NR3C2: variants seen among roughly 807,000 people sequenced by gnomAD.
NR3C2 encodes mineralocorticoid receptor.
A neutral mutation model predicts 86.4 loss-of-function variants in NR3C2; 15 were observed. The observed-to-expected ratio is 0.17, with a 90% CI of 0.12 to 0.27. The LOEUF (loss-of-function observed/expected upper bound fraction) is 0.27, where lower values mean the gene tolerates loss of function less well. Among genes scored for constraint, NR3C2 ranks in the 10% least tolerant of loss-of-function variants. The probability of loss-of-function intolerance (pLI) is 1.00; values close to 1 mark genes in which losing one functional copy is unlikely to be tolerated. For missense variants in NR3C2, 960 were observed against 1,195.6 expected (o/e 0.80, Z 2.91); for synonymous variants, 458 against 450.5 (o/e 1.02, Z -0.21).
chr4:148,116,331 A>T (rs773628204), intron 7 of NR3C2, among the ~76,000 whole-genome samples: 3 of 152,252 alleles, frequency 2.0e-5, no homozygotes, highest in Non-Finnish European at 4.4e-5. Flanking sequence ...TTTCCCAGCC[A>T]GATTTTTTAG....
intron 8 of NR3C2, among the ~76,000 whole-genome samples, chr4:148,082,928 G>C (rs1730646085): frequency 6.6e-6 from 1 of 152,072 alleles, no homozygotes; most frequent in Non-Finnish European, 1.5e-5. Flanking sequence ...TGAGTAGGCG[G>C]TTTTGCCCTC....
Position 148,435,660 on chromosome 4 carries a change from C to A in NR3C2, c.1201G>T (p.Glu401Ter), listed in dbSNP as rs1553942903. 6.2e-7 allele frequency: 1 copy of A among 1,614,172 alleles called. No individual in the cohort carries two copies. The highest frequency in any genetic ancestry group is 1.1e-5 in the South Asian group (1 of 91,080). The change falls in exon 2 of 9, where the codon GAA becomes TAA. Residue 401 changes from glutamate (E) to a stop codon, truncating the protein, a stop_gained. Transcript: ENST00000358102. LOFTEE classifies it high-confidence loss of function. ...QLNIVQYIKP[E>*]PDGAFSSSCL... ...GAGCTGCTAAAAGCTCCATCTGGTTCTGGTTTTATGTACTGGACAATATTA... is the reference window on the plus strand; with the variant it reads ...GAGCTGCTAAAAGCTCCATCTGGTTATGGTTTTATGTACTGGACAATATTA...
intron 4 of NR3C2, among the ~76,000 whole-genome samples, chr4:148,184,029 C>G (rs1265490496): frequency 6.6e-6 from 1 of 152,022 alleles, no homozygotes; most frequent in Non-Finnish European, 1.5e-5. Flanking sequence ...GATAAACACC[C>G]TACTATGCAC....
At chr4:148,124,911 T>C (rs553476366) in intron 6 of NR3C2, among the ~76,000 whole-genome samples, 8 of 152,366 alleles carry the variant, frequency 5.3e-5, no homozygotes, top group African/African-American at 1.9e-4. Flanking sequence ...AAATGCTCTA[T>C]TCAATTCTCT....
rs374987524 is a variant in NR3C2, at chr4:148,352,115, C to T, written c.1757+82989G>A. 6.6e-5 allele frequency among the ~76,000 whole-genome samples: 10 copies of T among 152,228 alleles called. No homozygotes were observed. The East Asian group carries it at 1.5e-3, about 24-fold the overall frequency. On this transcript the variant is annotated intron_variant, in intron 2 of 8. Coordinates refer to ENST00000358102, the MANE Select transcript of NR3C2 (RefSeq NM_000901.5). ...TCAGATCTGTTCCCTTGCAGACTTC[C>T]TTAAACAATGAGGATGTATTTTGCG...
intron 2 of NR3C2, among the ~76,000 whole-genome samples, chr4:148,341,318 A>G (rs1744737774): frequency 6.6e-6 from 1 of 152,202 alleles, no homozygotes; most frequent in African/African-American, 2.4e-5. Flanking sequence ...TATGGATGGA[A>G]CTGGAGGGCA....
intron 2 of NR3C2, among the ~76,000 whole-genome samples, chr4:148,282,985 T>A (rs1159899691): frequency 6.6e-6 from 1 of 151,842 alleles, no homozygotes. Flanking sequence ...AGAGATGAGG[T>A]TAGAAGGAAC....
intron 2 of NR3C2, among the ~76,000 whole-genome samples, chr4:148,301,561 T>C (rs895207171): frequency 6.6e-6 from 1 of 152,228 alleles, no homozygotes; most frequent in African/African-American, 2.4e-5. Context: ...AAATTGAGCA[T>C]TGAAATAAAA....
chr4:148,101,029 A>C (rs1382729668), intron 8 of NR3C2, among the ~76,000 whole-genome samples: 16 of 152,206 alleles, frequency 1.1e-4, no homozygotes, highest in Admixed American at 1.0e-3. Flanking sequence ...TAGAGACAGA[A>C]AGAGGGGAAG....
chr4:148,408,850 T>G (rs1009987036), intron 2 of NR3C2, among the ~76,000 whole-genome samples: 1 of 152,166 alleles, frequency 6.6e-6, no homozygotes, highest in African/African-American at 2.4e-5. Flanking sequence ...AGATCATGCT[T>G]ATATATTGTT....
In NR3C2 at chr4:148,081,323, GT is replaced by G; in HGVS notation, c.*20del. The G allele has an allele frequency of 6.2e-7, 1 of 1,614,200 alleles. No homozygotes were observed. The highest frequency in any genetic ancestry group is 8.5e-7 in the Non-Finnish European group (1 of 1,180,028). ...ACAACACAGGGAAACTTAAGGCAAA[GT>G]TCTTCTGGGCAGCGGGCAGTCACTT... is the stretch of plus-strand genomic sequence containing the variant. On this transcript the variant is annotated 3_prime_UTR_variant, in exon 9 of 9. Coordinates refer to ENST00000358102, the MANE Select transcript of NR3C2 (RefSeq NM_000901.5).
At chr4:148,351,203 T>C (rs560078104) in intron 2 of NR3C2, among the ~76,000 whole-genome samples, 1 of 152,346 alleles carries the variant, frequency 6.6e-6, no homozygotes, top group Admixed American at 6.5e-5. Context: ...TAGAGAGCAG[T>C]GGTGCAATCT....
rs180971074 is a variant in NR3C2 at position 148,354,582 on chromosome 4, C to T, written c.1757+80522G>A. ...AATTGTATTAACAAAATGAATTACA[C>T]TGTTCTGCAGAACGAATAGTTGTCA... On this transcript the variant is annotated intron_variant, in intron 2 of 8. Transcript: ENST00000358102. Among the ~76,000 whole-genome samples, 621 of 152,232 alleles carry T rather than the reference C, an allele frequency of 4.1e-3. 6 individuals carry two copies. The highest frequency in any genetic ancestry group is 6.9e-3 in the Non-Finnish European group (469 of 68,008).
chr4:148,222,250 G>A (rs1459223772), intron 3 of NR3C2, among the ~76,000 whole-genome samples: 1 of 151,996 alleles, frequency 6.6e-6, no homozygotes, highest in African/African-American at 2.4e-5. Flanking sequence ...CATCCAAAAT[G>A]ACACATTTTC....
At chr4:148,152,238 A>G (rs1229051327) in intron 6 of NR3C2, among the ~76,000 whole-genome samples, 1 of 152,204 alleles carries the variant, frequency 6.6e-6, no homozygotes, top group Non-Finnish European at 1.5e-5. Flanking sequence ...TATCCCACAT[A>G]TTATTATGTG....
chr4:148,328,865 T>A (rs1168639643), intron 2 of NR3C2, among the ~76,000 whole-genome samples: 1 of 152,172 alleles, frequency 6.6e-6, no homozygotes, highest in African/African-American at 2.4e-5. Context: ...TCCAGATGAA[T>A]TCTTGGTGAT....
chr4:148,219,514 C>A (rs371815505), intron 3 of NR3C2, among the ~76,000 whole-genome samples: 1 of 152,144 alleles, frequency 6.6e-6, no homozygotes, highest in African/African-American at 2.4e-5. Context: ...CATAATTATA[C>A]TTAGACATTA....
intron 6 of NR3C2, among the ~76,000 whole-genome samples, chr4:148,137,128 T>A (rs1733384184): frequency 6.6e-6 from 1 of 152,124 alleles, no homozygotes; most frequent in Non-Finnish European, 1.5e-5. Context: ...AACCACACAT[T>A]CTCAAAGCTA....
At chr4:148,428,153 A>G (rs896665028) in intron 2 of NR3C2, among the ~76,000 whole-genome samples, 3 of 152,164 alleles carry the variant, frequency 2.0e-5, no homozygotes, top group Non-Finnish European at 4.4e-5. Context: ...ACAGGATGCA[A>G]TGAGAAGAAT....
Sources: allele counts gnomAD v4.1 joint callset (sites outside exome capture counted in the v4.1 genomes callset), GRCh38; gene constraint gnomAD v4.1.1; transcripts MANE v1.5; gene names NCBI Gene and HGNC (gene_info 2026-07-23, HGNC 2026-07-21).